The following ATXN1 variants were observed in gnomAD, a reference collection of about 807,000 sequenced individuals.
ATXN1 encodes the protein ataxin-1.
ATXN1 carries 8 observed loss-of-function variants against 56.4 expected under a neutral mutation model. That is an observed-to-expected ratio of 0.14 (90% confidence interval 0.08 to 0.26). ATXN1 has a LOEUF of 0.26. Ranked by LOEUF, ATXN1 falls within the 10% of genes least tolerant of loss-of-function variation. The probability of loss-of-function intolerance (pLI) is 1.00; values close to 1 mark genes in which losing one functional copy is unlikely to be tolerated. For missense variants in ATXN1, 987 were observed against 1,106.5 expected, an observed-to-expected ratio of 0.89 and a Z score of 1.53; for synonymous variants, 514 against 494.6, an observed-to-expected ratio of 1.04 and a Z score of -0.52.
rs145016411 is a variant in ATXN1, at chr6:16,619,425, T to C, written c.-488-33518A>G. On this transcript the variant is annotated intron_variant, in intron 3 of 7. Transcript: ENST00000436367. ...TAGATTATGGATGGAAATTACAGTA[T>C]CTATGAGTGATGTAAAACTTACGAT... Among the ~76,000 whole-genome samples, 517 of 152,276 alleles carry C rather than the reference T, an allele frequency of 3.4e-3. 2 individuals carry two copies. The highest frequency in any genetic ancestry group is 5.7e-3 in the Non-Finnish European group (386 of 68,020).
chr6:16,360,941 G>T (rs970128378), intron 6 of ATXN1, among the ~76,000 whole-genome samples: 1 of 152,304 alleles, frequency 6.6e-6, no homozygotes, highest in African/African-American at 2.4e-5. Context: ...AAGGTAAGAC[G>T]CCTGAAACTA....
chr6:16,340,361 G>C (rs1761218406), intron 6 of ATXN1, among the ~76,000 whole-genome samples: 1 of 152,238 alleles, frequency 6.6e-6, no homozygotes, highest in Non-Finnish European at 1.5e-5. Context: ...AAAAACTCTA[G>C]ATGCTGAGGT....
intron 3 of ATXN1, among the ~76,000 whole-genome samples, chr6:16,640,167 C>A (rs183682047): frequency 6.6e-6 from 1 of 152,084 alleles, no homozygotes; most frequent in African/African-American, 2.4e-5. Flanking sequence ...TGCCACATTT[C>A]GGTAATACAG....
At chr6:16,332,381 A>C (rs1761013100) in intron 6 of ATXN1, among the ~76,000 whole-genome samples, 1 of 152,254 alleles carries the variant, frequency 6.6e-6, no homozygotes, top group Non-Finnish European at 1.5e-5. Context: ...GTGGAAAAGT[A>C]GATTTGGAAA....
chr6:16,629,092 G>A (rs950114618), intron 3 of ATXN1, among the ~76,000 whole-genome samples: 1 of 103,072 alleles, frequency 9.7e-6, no homozygotes, highest in Admixed American at 9.6e-5. Flanking sequence ...CACCAACAGT[G>A]TATAAGTGTT....
At chr6:16,400,757 G>C (rs1758551576) in intron 6 of ATXN1, among the ~76,000 whole-genome samples, 1 of 152,182 alleles carries the variant, frequency 6.6e-6, no homozygotes, top group African/African-American at 2.4e-5. Context: ...AAAAGAGGGA[G>C]GGAGGGAGAA....
In ATXN1 at chr6:16,326,863, A is replaced by T. The variant is rs1349536794; in HGVS notation, c.1448T>A (p.Val483Glu). The change falls in exon 7 of 8, where the codon GTG (valine) becomes GAG (glutamate). Residue 483 changes from valine (V) to glutamate (E), a missense_variant. Val to Glu is a moderately radical substitution (Grantham distance 121). Transcript: ENST00000436367. This position sits in a 1 kb window ranked among gnomAD's most constrained non-coding sequence, Gnocchi z 6.6. The stretch of plus-strand genomic sequence containing the variant: ...GAGCAGGGGCTGTGTGCCGGGGATC[A>T]CCAGGTGCTGGGGCAGGCTGCCGGC... ...TYAGSLPQHL[V>E]IPGTQPLLIP... 1.9e-6 allele frequency: 3 copies of T among 1,609,842 alleles called. No individual in the cohort carries two copies. The highest frequency in any genetic ancestry group is 2.5e-6 in the Non-Finnish European group (3 of 1,176,972).
intron 6 of ATXN1, among the ~76,000 whole-genome samples, chr6:16,368,362 T>C (rs113909060): frequency 0.088 from 12,916 of 147,100 alleles, 1,999 homozygotes; most frequent in African/African-American, 0.3. Flanking sequence ...TTTTTTTTTT[T>C]TTTTTGGTGA....
At chr6:16,707,619 C>A (rs1581382848) in intron 2 of ATXN1, among the ~76,000 whole-genome samples, 1 of 152,172 alleles carries the variant, frequency 6.6e-6, no homozygotes, top group Non-Finnish European at 1.5e-5. Context: ...GAGGTTGATG[C>A]AGCTGAGAGT....
intron 6 of ATXN1, among the ~76,000 whole-genome samples, chr6:16,341,164 A>C (rs182046431): frequency 1.9e-4 from 29 of 152,332 alleles, no homozygotes; most frequent in African/African-American, 6.7e-4. Flanking sequence ...TTTTGGGGAC[A>C]TATTTCCTCC....
At chr6:16,723,758 C>A (rs1328221499) in intron 2 of ATXN1, among the ~76,000 whole-genome samples, 1 of 150,804 alleles carries the variant, frequency 6.6e-6, no homozygotes, top group East Asian at 2.0e-4. Context: ...TACAAAGAAT[C>A]TGACATTTTG....
At chr6:16,542,739 T>G (rs528140556) in intron 4 of ATXN1, among the ~76,000 whole-genome samples, 1 of 152,216 alleles carries the variant, frequency 6.6e-6, no homozygotes, top group Non-Finnish European at 1.5e-5. Flanking sequence ...CCTAAAACCA[T>G]GAATAGTACC....
chr6:16,311,638 A>T (rs116358652), intron 7 of ATXN1, among the ~76,000 whole-genome samples: 1 of 152,244 alleles, frequency 6.6e-6, no homozygotes, highest in South Asian at 2.1e-4. Flanking sequence ...AGACAAATAT[A>T]CTTACAAGTG....
Position 16,760,259 on chromosome 6 carries a change from C to G in ATXN1, c.-730+1039G>C, listed in dbSNP as rs1035210793. 6.6e-6 allele frequency among the ~76,000 whole-genome samples: 1 copy of G among 151,962 alleles called. No individual in the cohort carries two copies. Among genetic ancestry groups the G allele is most frequent in the Non-Finnish European group, 1.5e-5 (1 of 67,956 alleles). On this transcript the variant is annotated intron_variant, in intron 1 of 7. Transcript: ENST00000436367. The surrounding 1 kb of genome is among the most constrained non-coding windows in gnomAD (Gnocchi z 5.3). The stretch of plus-strand genomic sequence containing the variant: ...TCCGCGGCGGCCGCCGCCTCCTCCT[C>G]CTTCCCCTCCTCCTGGCTTCATTCA...
intron 3 of ATXN1, among the ~76,000 whole-genome samples, chr6:16,639,523 G>A (rs1351895014): frequency 2.6e-5 from 4 of 152,168 alleles, no homozygotes; most frequent in African/African-American, 7.2e-5. Context: ...ATGTTGGTCA[G>A]GCTGGTTCTT....
chr6:16,326,729 G>A lies in ATXN1; in HGVS notation c.1582C>T (p.Pro528Ser). Reference protein sequence around the residue: ...VPHTFVTTALPKSENFNPEAL... With the variant: ...VPHTFVTTALSKSENFNPEAL... The stretch of plus-strand genomic sequence containing the variant: ...TCAGGGTTGAAGTTCTCGCTCTTGG[G>A]AAGGGCGGTGGTGACGAACGTGTGA... The change falls in exon 7 of 8, where the codon CCC becomes TCC. Residue 528 changes from proline (P) to serine (S), a missense_variant. Coordinates refer to ENST00000436367, the MANE Select transcript of ATXN1 (RefSeq NM_001128164.2). This position sits in a 1 kb window ranked among gnomAD's most constrained non-coding sequence, Gnocchi z 6.6. The A allele has an allele frequency of 6.2e-7, 1 of 1,613,676 alleles. No individual in the cohort carries two copies. The highest frequency in any genetic ancestry group is 1.3e-5 in the African/African-American group (1 of 75,056).
intron 6 of ATXN1, among the ~76,000 whole-genome samples, chr6:16,343,219 C>T (rs1042831266): frequency 8.6e-5 from 13 of 151,966 alleles, no homozygotes; most frequent in African/African-American, 2.4e-4. Flanking sequence ...GTGGTGGGCA[C>T]GTGTAGTCCC....
intron 6 of ATXN1, among the ~76,000 whole-genome samples, chr6:16,395,317 T>C (rs57103427): frequency 0.027 from 3,899 of 144,990 alleles, 184 homozygotes; most frequent in African/African-American, 0.095. Flanking sequence ...AAACTCATCA[T>C]CATCCCTCAT....
intron 4 of ATXN1, among the ~76,000 whole-genome samples, chr6:16,561,398 A>C (rs796166837): frequency 9.2e-5 from 14 of 152,312 alleles, no homozygotes; most frequent in African/African-American, 3.4e-4. Context: ...ACCTCTCCAC[A>C]GATACATTTT....
Sources: allele counts gnomAD v4.1 joint callset (sites outside exome capture counted in the v4.1 genomes callset), GRCh38; gene constraint gnomAD v4.1.1; non-coding constraint Gnocchi (gnomAD v3.1); transcripts MANE v1.5; gene names NCBI Gene and HGNC (gene_info 2026-07-23, HGNC 2026-07-21).